Variants in UNC5C observed in about 807,000 individuals in gnomAD.
The protein encoded by UNC5C is unc-5 netrin receptor C.
UNC5C carries 47 observed loss-of-function variants against 99.8 expected under a neutral mutation model. The ratio of observed to expected loss-of-function variants is 0.47; its 90% CI spans 0.37 to 0.60. The LOEUF (loss-of-function observed/expected upper bound fraction) is 0.60, where lower values mean the gene tolerates loss of function less well. Ranked by LOEUF, UNC5C falls within the 20% of genes least tolerant of loss-of-function variation. The probability of loss-of-function intolerance (pLI) is 0.00; values close to 1 mark genes in which losing one functional copy is unlikely to be tolerated. For synonymous variants in UNC5C, 487 were observed against 452.2 expected, an observed-to-expected ratio of 1.08 and a Z score of -0.98; for missense variants, 1,062 against 1,165.9, an observed-to-expected ratio of 0.91 and a Z score of 1.30.
At chr4:95,512,773 T>C (rs1722112678) in intron 1 of UNC5C, among the ~76,000 whole-genome samples, 1 of 152,182 alleles carries the variant, frequency 6.6e-6, no homozygotes. Flanking sequence ...CAAGTTTATA[T>C]GTTTGTTACT....
At chr4:95,328,064 T>TTTTTTA (rs1742965805) in intron 2 of UNC5C, among the ~76,000 whole-genome samples, 3 of 36,646 alleles carry the variant, frequency 8.2e-5, no homozygotes, top group Non-Finnish European at 1.1e-4. Context: ...TTTTTTTAAT[T>TTTTTTA]TTTTTTTTTT....
chr4:95,246,382 C>T (rs1351540450), intron 5 of UNC5C, among the ~76,000 whole-genome samples: 3 of 151,824 alleles, frequency 2.0e-5, no homozygotes, highest in Admixed American at 1.3e-4. Flanking sequence ...CATAGCAACA[C>T]CCTAGCTCCA....
intron 1 of UNC5C, among the ~76,000 whole-genome samples, chr4:95,386,962 A>G (rs925053192): frequency 3.9e-5 from 6 of 152,158 alleles, no homozygotes; most frequent in Non-Finnish European, 7.3e-5. Flanking sequence ...AGGCTTGGAC[A>G]TTTGCTGCAA....
intron 2 of UNC5C, among the ~76,000 whole-genome samples, chr4:95,312,452 T>C (rs1210285686): frequency 6.6e-6 from 1 of 152,212 alleles, no homozygotes; most frequent in East Asian, 1.9e-4. Context: ...AACTTAATTG[T>C]AGCTTAGACG....
chr4:95,459,463 G>A (rs1305282410), intron 1 of UNC5C, among the ~76,000 whole-genome samples: 8 of 152,090 alleles, frequency 5.3e-5, no homozygotes, highest in Admixed American at 5.2e-4. Context: ...ACCTGCCATT[G>A]TCTATTTTGG....
intron 7 of UNC5C, among the ~76,000 whole-genome samples, chr4:95,227,139 GTT>G (rs11366627): frequency 0.28 from 40,517 of 144,786 alleles, 6,359 homozygotes; most frequent in East Asian, 0.67. Flanking sequence ...TTAAAACAAT[GTT>G]TTTTTTTTTT....
intron 1 of UNC5C, among the ~76,000 whole-genome samples, chr4:95,426,401 A>G (rs1746486365): frequency 1.3e-5 from 2 of 152,176 alleles, no homozygotes; most frequent in Non-Finnish European, 2.9e-5. Flanking sequence ...CTAAGACACA[A>G]CAATTTTGAA....
At chr4:95,284,046 A>G (rs1741150117) in intron 3 of UNC5C, among the ~76,000 whole-genome samples, 1 of 152,226 alleles carries the variant, frequency 6.6e-6, no homozygotes, top group African/African-American at 2.4e-5. Flanking sequence ...ATACATAACC[A>G]AAGAAAGTCC....
chr4:95,201,895 C>T (rs759042125), intron 12 of UNC5C, among the ~76,000 whole-genome samples: 15 of 152,188 alleles, frequency 9.9e-5, no homozygotes, highest in East Asian at 3.9e-4. Flanking sequence ...TGAGCCACCA[C>T]ACCCGGCCGA....
At chr4:95,189,520 C>A (rs1233703187) in intron 12 of UNC5C, among the ~76,000 whole-genome samples, 1 of 152,166 alleles carries the variant, frequency 6.6e-6, no homozygotes, top group Non-Finnish European at 1.5e-5. Flanking sequence ...AGCTTCTGCA[C>A]AGCAAAAGAA....
intron 1 of UNC5C, among the ~76,000 whole-genome samples, chr4:95,483,401 A>C (rs944648420): frequency 1.3e-5 from 2 of 151,846 alleles, no homozygotes; most frequent in Non-Finnish European, 2.9e-5. Flanking sequence ...AAATGTGTAC[A>C]TATATAATAA....
chr4:95,252,744 T>A (rs1460695090), intron 4 of UNC5C, among the ~76,000 whole-genome samples: 1 of 152,188 alleles, frequency 6.6e-6, no homozygotes, highest in African/African-American at 2.4e-5. Context: ...CATGACCTCA[T>A]GACCGGTTGC....
intron 7 of UNC5C, among the ~76,000 whole-genome samples, chr4:95,236,022 G>A (rs1038127141): frequency 8.5e-5 from 13 of 152,210 alleles, no homozygotes; most frequent in Non-Finnish European, 2.9e-5. Context: ...GGAAGACAGT[G>A]TGGCGATTCC....
intron 1 of UNC5C, among the ~76,000 whole-genome samples, chr4:95,361,195 T>C (rs762468451): frequency 1.3e-5 from 2 of 152,192 alleles, no homozygotes; most frequent in Non-Finnish European, 2.9e-5. Flanking sequence ...GAAGATGTGA[T>C]AAAGTACTGG....
At chr4:95,473,084 T>C (rs1461634333) in intron 1 of UNC5C, among the ~76,000 whole-genome samples, 1 of 152,152 alleles carries the variant, frequency 6.6e-6, no homozygotes, top group Non-Finnish European at 1.5e-5. Context: ...ATTTAACTCC[T>C]AATGTGTTCC....
chr4:95,242,446 T>C lies in UNC5C; in HGVS notation c.1091A>G (p.Asp364Gly). 1 of 1,614,164 alleles carries C rather than the reference T, an allele frequency of 6.2e-7. No individual in the cohort carries two copies. The highest frequency in any genetic ancestry group is 8.5e-7 in the Non-Finnish European group (1 of 1,180,008). The change falls in exon 7 of 16, where the codon GAT becomes GGT. Residue 364 changes from aspartate (D) to glycine (G), a missense_variant. Around this residue, in one of 3 missense-constraint regions of UNC5C, gnomAD observed 810 missense variants for 854.5 expected, o/e 0.95. Coordinates refer to ENST00000453304, the MANE Select transcript of UNC5C (RefSeq NM_003728.4). ...TGACTTACTCTGCATGCAAAGCCCA[T>C]CAGTGCAGTTCTTGGATTGCAAGAC... ...GLVLQSKNCT[D>G]GLCMQTAPDS...
rs376368681 is a variant in UNC5C at position 95,292,208 on chromosome 4, CAT to C, written c.490+9396_490+9397del. ...ACATATATATATACACATATATATACATATATATACACACACACACACACACA... is the reference window on the plus strand; with the variant it reads ...ACATATATATATACACATATATATACATATATACACACACACACACACACA... On this transcript the variant is annotated intron_variant, in intron 3 of 15. Transcript: ENST00000453304. Among the ~76,000 whole-genome samples the C allele has an allele frequency of 3.0e-3, 370 of 123,958 alleles. 3 individuals are homozygous for C. Among genetic ancestry groups the C allele is most frequent in the East Asian group, 0.017 (80 of 4,648 alleles). 81.3% of individuals were successfully genotyped at this position (123,958 alleles called of 152,430 possible). A position where few individuals can be genotyped will look rare whatever the true frequency, so the allele number is the denominator to read the frequency against.
chr4:95,528,942 T>TC (rs200589023), intron 1 of UNC5C, among the ~76,000 whole-genome samples: 2 of 152,198 alleles, frequency 1.3e-5, no homozygotes, highest in African/African-American at 4.8e-5. Context: ...GATTTTTTTT[T>TC]CTGAAAATTA....
chr4:95,205,466 G>C (rs1275350118), intron 11 of UNC5C, among the ~76,000 whole-genome samples: 1 of 152,000 alleles, frequency 6.6e-6, no homozygotes, highest in Non-Finnish European at 1.5e-5. Flanking sequence ...CCATAGGAAG[G>C]AAATCCCAGT....
Sources: gnomAD v4.1 joint callset for allele counts (sites outside exome capture counted in the v4.1 genomes callset) on GRCh38, gnomAD v4.1.1 for gene constraint, gnomAD v4.1.1 regional missense constraint, MANE v1.5 for transcripts, NCBI Gene and HGNC (gene_info 2026-07-23, HGNC 2026-07-21) for gene names.